Variants in SLC6A12 observed in about 807,000 individuals in gnomAD.
The protein encoded by SLC6A12 is sodium- and chloride-dependent betaine transporter.
SLC6A12 carries 50 observed loss-of-function variants against 73.3 expected under a neutral mutation model. The observed-to-expected ratio is 0.68, with a 90% confidence interval of 0.54 to 0.86. The LOEUF is 0.86. Among genes scored for constraint, SLC6A12 ranks in the 40% least tolerant of loss-of-function variants. The pLI is 0.00. For synonymous variants in SLC6A12, 304 were observed against 309.2 expected (o/e 0.98, Z 0.18); for missense variants, 648 against 772.8 (o/e 0.84, Z 1.92).
rs113949090 is a variant in SLC6A12 at position 193,183 on chromosome 12, G to A, written c.1530+94C>T. The A allele has an allele frequency of 7.9e-3, 6,999 of 882,222 alleles. 217 individuals carry two copies. In the African/African-American group the frequency reaches 0.083, roughly 10 times the overall value. 54.6% of individuals were successfully genotyped at this position (882,222 alleles called of 1,614,324 possible). A position where few individuals can be genotyped will look rare whatever the true frequency, so the allele number is the denominator to read the frequency against. ...AGGCCCCACGGGAGACTGGACAGGTGGGGAAAGAGCCCTGCATGTCAGCCG... is the reference window on the plus strand; with the variant it reads ...AGGCCCCACGGGAGACTGGACAGGTAGGGAAAGAGCCCTGCATGTCAGCCG... On this transcript the variant is annotated intron_variant, in intron 14 of 15. Transcript: ENST00000684302.
chr12:186,002 G>A (rs748601672), downstream of SLC6A12, among the ~76,000 whole-genome samples: 4 of 152,216 alleles, frequency 2.6e-5, no homozygotes, highest in Admixed American at 6.5e-5. Flanking sequence ...CGAGCACGGA[G>A]GTGGCAGGGA....
chr12:185,326 AC>A (rs1055772084), downstream of SLC6A12, among the ~76,000 whole-genome samples: 1 of 152,194 alleles, frequency 6.6e-6, no homozygotes, highest in Non-Finnish European at 1.5e-5. Flanking sequence ...CTTGTTCAGG[AC>A]CCACTCTGGC....
intron 7 of SLC6A12, 143 bp downstream of exon 7, chr12:200,508 G>T: frequency 1.2e-6 from 1 of 830,304 alleles, no homozygotes; most frequent in East Asian, 2.6e-5. Context: ...GGCTCCCCCT[G>T]TTCTCACTAG....
intron 3 of SLC6A12, among the ~76,000 whole-genome samples, chr12:205,508 A>C (rs991643502): frequency 3.9e-5 from 6 of 152,224 alleles, no homozygotes; most frequent in African/African-American, 1.4e-4. Flanking sequence ...CATTTTGCAG[A>C]TAATAAAACT....
intron 7 of SLC6A12, 70 bp downstream of exon 7, chr12:200,581 G>T: frequency 6.6e-7 from 1 of 1,511,594 alleles, no homozygotes; most frequent in South Asian, 1.2e-5. Flanking sequence ...GTTCTCCAGA[G>T]GGTCCCCCTC....
intron 5 of SLC6A12, among the ~76,000 whole-genome samples, chr12:202,363 C>T (rs1940316188): frequency 6.6e-6 from 1 of 152,206 alleles, no homozygotes; most frequent in Admixed American, 6.5e-5. Flanking sequence ...GTTCTTACCA[C>T]CAGACTGTAA....
rs1230676329 is a variant in SLC6A12, at chr12:196,265, T to A, written c.1189-4A>T. On this transcript the variant is annotated splice_polypyrimidine_tract_variant and splice_region_variant and intron_variant, in intron 11 of 15. Coordinates refer to ENST00000684302, the MANE Select transcript of SLC6A12 (RefSeq NM_001122848.3). ...CCAGGCACTCCACACAGACAAACTG[T>A]GGGCCAGGAGGGGAACTGGATGAGA... The A allele has an allele frequency of 6.2e-7, 1 of 1,607,768 alleles. No homozygotes were observed. The highest frequency in any genetic ancestry group is 8.5e-7 in the Non-Finnish European group (1 of 1,178,178).
chr12:199,287 T>C (rs546965358), intron 7 of SLC6A12, among the ~76,000 whole-genome samples: 19 of 152,176 alleles, frequency 1.2e-4, no homozygotes, highest in African/African-American at 4.3e-4. Flanking sequence ...TGAAAAAGAG[T>C]GGTATTTCCA....
chr12:203,867 C>G (rs1351609082), intron 4 of SLC6A12: 2 of 152,124 alleles, frequency 1.3e-5, no homozygotes, highest in Admixed American at 6.5e-5. Context: ...GTGCGGCGGG[C>G]GGAGAGGCCG....
chr12:188,547 C>T (rs1591773089), downstream of SLC6A12, among the ~76,000 whole-genome samples: 2 of 152,342 alleles, frequency 1.3e-5, no homozygotes, highest in East Asian at 1.9e-4. Flanking sequence ...GGCTGAAGGG[C>T]TCCTCAAGCG....
rs1421651592 is a variant in SLC6A12, at chr12:198,011, A to G, written c.847-8T>C. On this transcript the variant is annotated splice_region_variant and splice_polypyrimidine_tract_variant and intron_variant, in intron 8 of 15. Coordinates refer to ENST00000684302, the MANE Select transcript of SLC6A12 (RefSeq NM_001122848.3). The surrounding 1 kb of genome is among the most constrained non-coding windows in gnomAD (Gnocchi z 4.0). ...GCCCGCATCCATCCACACCTACACA[A>G]AACCCCAAGAAAGAGGTAGAGGCAG... is the stretch of plus-strand genomic sequence containing the variant. 3 of 1,611,774 alleles carry G rather than the reference A, an allele frequency of 1.9e-6. No individual in the cohort carries two copies. Among genetic ancestry groups the G allele is most frequent in the Non-Finnish European group, 2.5e-6 (3 of 1,178,328 alleles).
chr12:189,345 C>G (rs1218166370), downstream of SLC6A12, among the ~76,000 whole-genome samples: 1 of 152,214 alleles, frequency 6.6e-6, no homozygotes, highest in Non-Finnish European at 1.5e-5. Flanking sequence ...TAACTGAGAG[C>G]ATCTGGCTGA....
chr12:186,887 A>T (rs1939440993), downstream of SLC6A12, among the ~76,000 whole-genome samples: 2 of 152,118 alleles, frequency 1.3e-5, 1 homozygote, highest in Non-Finnish European at 2.9e-5. Flanking sequence ...GCCTGTGGTA[A>T]CCCTGCTACC....
chr12:200,106 CTTTT>C (rs33929668), intron 7 of SLC6A12, among the ~76,000 whole-genome samples: 10 of 104,548 alleles, frequency 9.6e-5, no homozygotes, highest in African/African-American at 3.1e-4. Flanking sequence ...CCTGAATATT[CTTTT>C]TTTTTTTTTT....
At position 198,685 on chromosome 12, in the gene SLC6A12, GTGGGCATTTATTGC is replaced by G; in HGVS notation, c.846+98_846+111del. On this transcript the variant is annotated intron_variant, in intron 8 of 15. Coordinates refer to ENST00000684302, the MANE Select transcript of SLC6A12 (RefSeq NM_001122848.3). The surrounding 1 kb of genome is among the most constrained non-coding windows in gnomAD (Gnocchi z 4.0). ...TTCCATATTTTCTAATTTATCTCCA[GTGGGCATTTATTGC>G]TTTTAAACCAAGGAAAAAGCTATAC... The G allele has an allele frequency of 1.2e-6, 1 of 809,442 alleles. No homozygotes were observed. Among genetic ancestry groups the G allele is most frequent in the Non-Finnish European group, 1.9e-6 (1 of 522,812 alleles). 50.1% of individuals were successfully genotyped at this position (809,442 alleles called of 1,614,324 possible).
chr12:202,835 T>C lies in SLC6A12; in HGVS notation c.395A>G (p.Tyr132Cys). Residue 132 changes from tyrosine to cysteine, a missense_variant, in exon 5 of 16, where the codon TAC becomes TGC. By Grantham distance (194) the Tyr-to-Cys change is radical. Coordinates refer to ENST00000684302, the MANE Select transcript of SLC6A12 (RefSeq NM_001122848.3). ...AGCCCAGGCAAGGATGATGATGTAG[T>C]AGACATTCAAATATGACTCGATGAC... ...SVVIESYLNV[Y>C]YIIILAWALF... is the part of the protein sequence containing the mutation. 6.2e-7 allele frequency: 1 copy of C among 1,613,896 alleles called. No individual in the cohort carries two copies. The highest frequency in any genetic ancestry group is 8.5e-7 in the Non-Finnish European group (1 of 1,179,838).
In SLC6A12 at chr12:198,152, G is replaced by A; in HGVS notation, c.847-149C>T. On this transcript the variant is annotated intron_variant, in intron 8 of 15. Coordinates refer to ENST00000684302, the MANE Select transcript of SLC6A12 (RefSeq NM_001122848.3). The surrounding 1 kb of genome is among the most constrained non-coding windows in gnomAD (Gnocchi z 4.0). ...TCCTGCATCCCAACTCTCCGTGAGT[G>A]CGCCCTCCGGTCTCCACGGTGATCT... is the stretch of plus-strand genomic sequence containing the variant. 1 of 638,618 alleles carries A rather than the reference G, an allele frequency of 1.6e-6. No homozygotes were observed. Among genetic ancestry groups the A allele is most frequent in the African/African-American group, 1.8e-5 (1 of 54,772 alleles). 39.6% of individuals were successfully genotyped at this position (638,618 alleles called of 1,614,324 possible).
At chr12:208,562 T>A (rs1288773393) in intron 3 of SLC6A12, among the ~76,000 whole-genome samples, 2 of 152,128 alleles carry the variant, frequency 1.3e-5, no homozygotes, top group African/African-American at 4.8e-5. Context: ...TAAAAGTGAT[T>A]TCAAAAGGCC....
In SLC6A12 at chr12:213,373, A is replaced by C. The variant is rs1043968486; in HGVS notation, c.-143+549T>G. On this transcript the variant is annotated intron_variant, in intron 1 of 15. Coordinates refer to ENST00000684302, the MANE Select transcript of SLC6A12 (RefSeq NM_001122848.3). The surrounding 1 kb of genome is among the most constrained non-coding windows in gnomAD (Gnocchi z 5.3). ...CGGTCTCAGCTGGTGGCTGCCTGCA[A>C]CTCCCCTGAGTGCCCCCCTCGGGTA... The C allele has an allele frequency of 1.3e-5, 2 of 151,790 alleles. No homozygotes were observed. The highest frequency in any genetic ancestry group is 4.9e-5 in the African/African-American group (2 of 41,106). The allele number at this position is 151,790 out of a possible 1,614,324, so 9.4% of individuals were successfully genotyped here.
Sources: allele counts gnomAD v4.1 joint callset (sites outside exome capture counted in the v4.1 genomes callset), GRCh38; gene constraint gnomAD v4.1.1; non-coding constraint Gnocchi (gnomAD v3.1); transcripts MANE v1.5; gene names NCBI Gene and HGNC (gene_info 2026-07-23, HGNC 2026-07-21).